Variants in PTPRM observed in about 807,000 individuals in gnomAD.
The protein encoded by PTPRM is protein tyrosine phosphatase receptor type M.
A neutral mutation model predicts 186.7 loss-of-function variants in PTPRM; 47 were observed. The observed-to-expected ratio is 0.25, with a 90% CI of 0.20 to 0.32. The LOEUF is 0.32. Among genes scored for constraint, PTPRM ranks in the 10% least tolerant of loss-of-function variants. The pLI is 1.00. For missense variants in PTPRM, 1,494 were observed against 1,865.0 expected, an observed-to-expected ratio of 0.80 and a Z score of 3.66; for synonymous variants, 668 against 674.9, an observed-to-expected ratio of 0.99 and a Z score of 0.16.
intron 9 of PTPRM, among the ~76,000 whole-genome samples, chr18:8,082,874 TA>T (rs1449960646): frequency 6.6e-6 from 1 of 152,106 alleles, no homozygotes; most frequent in Non-Finnish European, 1.5e-5. Flanking sequence ...CCTGTGTCTG[TA>T]AATTTCTCCT....
At chr18:8,261,779 A>G (rs903988932) in intron 19 of PTPRM, among the ~76,000 whole-genome samples, 3 of 152,212 alleles carry the variant, frequency 2.0e-5, no homozygotes, top group Non-Finnish European at 4.4e-5. Context: ...AATTCATGGC[A>G]GTTGATGTTT....
intron 14 of PTPRM, among the ~76,000 whole-genome samples, chr18:8,178,970 G>C (rs1265852658): frequency 1.3e-5 from 2 of 152,078 alleles, no homozygotes; most frequent in African/African-American, 4.8e-5. Context: ...GTGCTCCTAG[G>C]CCTGTGAGAA....
intron 1 of PTPRM, among the ~76,000 whole-genome samples, chr18:7,616,376 C>T (rs1158016106): frequency 6.6e-6 from 1 of 152,076 alleles, no homozygotes; most frequent in South Asian, 2.1e-4. Flanking sequence ...CCCTTGGGGT[C>T]TTGAACTTCT....
At chr18:7,984,792 C>CACATAAAATTATATACACAT (rs1568129920) in intron 7 of PTPRM, among the ~76,000 whole-genome samples, 18 of 125,434 alleles carry the variant, frequency 1.4e-4, no homozygotes, top group African/African-American at 3.9e-4. Context: ...TATATACACA[C>CACATAAAATTATATACACAT]ATATAAATAT....
At chr18:7,897,742 C>T (rs945338158) in intron 3 of PTPRM, among the ~76,000 whole-genome samples, 3 of 152,130 alleles carry the variant, frequency 2.0e-5, no homozygotes, top group Admixed American at 2.0e-4. Context: ...GCGTGGTCTG[C>T]CGCTATATGC....
At chr18:8,064,860 G>A (rs1232476273) in intron 7 of PTPRM, among the ~76,000 whole-genome samples, 2 of 152,178 alleles carry the variant, frequency 1.3e-5, no homozygotes, top group East Asian at 1.9e-4. Context: ...CCTTTGCTCT[G>A]ATTTCACTAA....
intron 2 of PTPRM, among the ~76,000 whole-genome samples, chr18:7,860,313 T>TCTG (rs751877485): frequency 2.0e-5 from 3 of 152,178 alleles, no homozygotes; most frequent in Non-Finnish European, 4.4e-5. Context: ...CCTCAAGTGA[T>TCTG]CTGCTGGCCT....
At chr18:7,955,452 T>A in intron 7 of PTPRM, 38 bp downstream of exon 7, 1 of 1,574,454 alleles carries the variant, frequency 6.4e-7, no homozygotes, top group Non-Finnish European at 8.6e-7. Context: ...TGTCATTGTC[T>A]TTCCTGGTGT....
intron 13 of PTPRM, among the ~76,000 whole-genome samples, chr18:8,127,165 A>G (rs2092387894): frequency 6.6e-6 from 1 of 152,178 alleles, no homozygotes; most frequent in Non-Finnish European, 1.5e-5. Context: ...TGGAAAAAAA[A>G]GAACAGAGTA....
intron 8 of PTPRM, among the ~76,000 whole-genome samples, chr18:8,070,529 C>T (rs1033441298): frequency 5.9e-5 from 9 of 152,090 alleles, no homozygotes; most frequent in Non-Finnish European, 1.0e-4. Flanking sequence ...ATGTTGAAAC[C>T]GGATGTTACT....
intron 20 of PTPRM, among the ~76,000 whole-genome samples, chr18:8,308,187 G>A (rs1035810585): frequency 1.3e-5 from 2 of 152,236 alleles, no homozygotes; most frequent in African/African-American, 4.8e-5. Context: ...CTCAGAAACA[G>A]AAGAGGTTCA....
chr18:8,085,029 C>T (rs1489002634), intron 9 of PTPRM, among the ~76,000 whole-genome samples: 1 of 152,104 alleles, frequency 6.6e-6, no homozygotes, highest in South Asian at 2.1e-4. Flanking sequence ...TCTCACTAAC[C>T]ACATTTCAAA....
At chr18:7,934,985 T>A (rs963478820) in intron 5 of PTPRM, among the ~76,000 whole-genome samples, 1 of 152,220 alleles carries the variant, frequency 6.6e-6, no homozygotes, top group African/African-American at 2.4e-5. Context: ...GTTATGGATA[T>A]ATGCTTTTGG....
rs1386336089 is a variant in PTPRM, at chr18:8,376,333, C to T, written c.3327-129C>T. On this transcript the variant is annotated intron_variant, in intron 25 of 32. Coordinates refer to ENST00000580170, the MANE Select transcript of PTPRM (RefSeq NM_001105244.2). The stretch of plus-strand genomic sequence containing the variant: ...CACAACATTTTGGGAGCACTAAATG[C>T]CACTGGAGTGTACCTTTTAAGAGGT... 1.2e-5 allele frequency: 18 copies of T among 1,530,248 alleles called. No homozygotes were observed. In the East Asian group the frequency reaches 4.2e-4, roughly 35 times the overall value. 94.8% of individuals were successfully genotyped at this position (1,530,248 alleles called of 1,614,324 possible).
At chr18:7,905,319 T>G (rs2049923767) in intron 3 of PTPRM, among the ~76,000 whole-genome samples, 1 of 152,148 alleles carries the variant, frequency 6.6e-6, no homozygotes, top group African/African-American at 2.4e-5. Context: ...TGCCTTAATT[T>G]CTCTGAAGTG....
intron 7 of PTPRM, among the ~76,000 whole-genome samples, chr18:8,069,004 G>A (rs1246543591): frequency 1.3e-5 from 2 of 150,252 alleles, no homozygotes; most frequent in Admixed American, 1.3e-4. Context: ...CAGCTACTTG[G>A]GAGGCTGAGG....
intron 2 of PTPRM, among the ~76,000 whole-genome samples, chr18:7,819,521 A>T (rs564522516): frequency 3.3e-5 from 5 of 152,132 alleles, no homozygotes; most frequent in African/African-American, 7.2e-5. Flanking sequence ...CTAGGGGAAA[A>T]GCATCTCCCT....
intron 22 of PTPRM, among the ~76,000 whole-genome samples, chr18:8,333,497 A>G (rs1317174501): frequency 6.6e-6 from 1 of 152,232 alleles, no homozygotes; most frequent in African/African-American, 2.4e-5. Flanking sequence ...CATCATATTG[A>G]AAAATCACAT....
intron 3 of PTPRM, among the ~76,000 whole-genome samples, chr18:7,890,568 G>A (rs1248175619): frequency 1.3e-5 from 2 of 152,160 alleles, no homozygotes; most frequent in East Asian, 3.9e-4. Context: ...GAGTACACGT[G>A]TAAATTGTTA....
Sources: allele counts gnomAD v4.1 joint callset (sites outside exome capture counted in the v4.1 genomes callset), GRCh38; gene constraint gnomAD v4.1.1; transcripts MANE v1.5; gene names NCBI Gene and HGNC (gene_info 2026-07-23, HGNC 2026-07-21).